Variants in MYO16 observed in about 807,000 individuals in gnomAD.
The protein encoded by MYO16 is unconventional myosin-XVI.
MYO16 carries 94 observed loss-of-function variants against 205.3 expected under a neutral mutation model. The ratio of observed to expected loss-of-function variants is 0.46; its 90% CI spans 0.39 to 0.54. MYO16 has a LOEUF of 0.54. Ranked by LOEUF, MYO16 falls within the 20% of genes least tolerant of loss-of-function variation. The probability of loss-of-function intolerance (pLI) is 0.00; values close to 1 mark genes in which losing one functional copy is unlikely to be tolerated. For synonymous variants in MYO16, 988 were observed against 954.0 expected, an observed-to-expected ratio of 1.04 and a Z score of -0.66; for missense variants, 2,315 against 2,387.5, an observed-to-expected ratio of 0.97 and a Z score of 0.63.
rs374663193 is a variant in MYO16 at position 109,177,796 on chromosome 13, G to T, written c.5324-1746G>T. Among the ~76,000 whole-genome samples the T allele has an allele frequency of 5.3e-5, 8 of 152,316 alleles. No individual in the cohort carries two copies. The East Asian group carries it at 1.4e-3, about 26-fold the overall frequency. Reference sequence around the variant, plus strand: ...CTCCCAAAGTACTGGGATTACAGGCGTGAGCCAGTGCACCCAGCCCCGACT... The same window carrying T: ...CTCCCAAAGTACTGGGATTACAGGCTTGAGCCAGTGCACCCAGCCCCGACT... On this transcript the variant is annotated intron_variant, in intron 33 of 34. Coordinates refer to ENST00000457511, the MANE Select transcript of MYO16 (RefSeq NM_001198950.3).
At chr13:108,618,259 T>A (rs1879418514) in intron 1 of MYO16, among the ~76,000 whole-genome samples, 1 of 152,124 alleles carries the variant, frequency 6.6e-6, no homozygotes, top group African/African-American at 2.4e-5. Context: ...AGGTCAGGGA[T>A]CCCTTTGAGT....
chr13:109,199,200 AT>A (rs1455919568), intron 34 of MYO16, among the ~76,000 whole-genome samples: 5 of 31,918 alleles, frequency 1.6e-4, no homozygotes, highest in Non-Finnish European at 3.2e-4. Context: ...AGGTATATAT[AT>A]ATATATATAT....
Position 108,853,107 on chromosome 13 carries a change from G to A in MYO16, c.1249-2336G>A, listed in dbSNP as rs536090155. 9.4e-4 allele frequency among the ~76,000 whole-genome samples: 143 copies of A among 152,336 alleles called. 3 individuals carry two copies. In the South Asian group the frequency reaches 0.025, roughly 27 times the overall value. On this transcript the variant is annotated intron_variant, in intron 10 of 34. Coordinates refer to ENST00000457511, the MANE Select transcript of MYO16 (RefSeq NM_001198950.3). ...CTGGATCAAGACCACCAGTTCCTTCGCCTAAGGGCTACGCCGAAGGCAGCA... is the reference window on the plus strand; with the variant it reads ...CTGGATCAAGACCACCAGTTCCTTCACCTAAGGGCTACGCCGAAGGCAGCA...
chr13:108,800,665 C>T (rs1886944086), intron 6 of MYO16, among the ~76,000 whole-genome samples: 2 of 152,164 alleles, frequency 1.3e-5, no homozygotes, highest in African/African-American at 4.8e-5. Context: ...ACAATCCTGA[C>T]TGAACCTAAG....
intron 20 of MYO16, among the ~76,000 whole-genome samples, chr13:108,966,573 G>T (rs559126171): frequency 6.6e-6 from 1 of 152,160 alleles, no homozygotes; most frequent in South Asian, 2.1e-4. Context: ...TCATAAGGAT[G>T]GTCTTATCTT....
Position 109,127,646 on chromosome 13 carries a change from A to G in MYO16, c.4051+96A>G, listed in dbSNP as rs144190886. 684 of 1,238,984 alleles carry G rather than the reference A, an allele frequency of 5.5e-4. 4 individuals carry two copies. In the African/African-American group the frequency reaches 9.5e-3, roughly 17 times the overall value. The allele number at this position is 1,238,984 out of a possible 1,614,324, so 76.7% of individuals were successfully genotyped here. ...CATGGCAGTACTGTCGCCCTAATGT[A>G]TTCTTAATAGAAATAAATCCAATTG... On this transcript the variant is annotated intron_variant, in intron 31 of 34. Transcript: ENST00000457511. This position sits in a 1 kb window ranked among gnomAD's most constrained non-coding sequence, Gnocchi z 4.2.
At position 109,141,024 on chromosome 13, in the gene MYO16, G is replaced by GC; in HGVS notation, c.4818dup (p.Ala1607ArgfsTer118). The GC allele has an allele frequency of 4.6e-6, 6 of 1,314,630 alleles. No homozygotes were observed. In the South Asian group the frequency reaches 1.3e-4, roughly 29 times the overall value. 81.4% of individuals were successfully genotyped at this position (1,314,630 alleles called of 1,614,324 possible). A position where few individuals can be genotyped will look rare whatever the true frequency, so the allele number is the denominator to read the frequency against. On this transcript the variant is annotated frameshift_variant, in exon 32 of 35. Transcript: ENST00000457511. LOFTEE classifies it high-confidence loss of function. The surrounding 1 kb of genome is among the most constrained non-coding windows in gnomAD (Gnocchi z 4.1). ...CCCCGCCCCCGCCCCCGCCCGGGCCGCCCCCCGCGCCCTACAGGCCCTGCG... is the reference window on the plus strand; with the variant it reads ...CCCCGCCCCCGCCCCCGCCCGGGCCGCCCCCCCGCGCCCTACAGGCCCTGCG...
intron 2 of MYO16, among the ~76,000 whole-genome samples, chr13:108,685,505 A>G (rs1882642229): frequency 6.6e-6 from 1 of 152,184 alleles, no homozygotes; most frequent in South Asian, 2.1e-4. Flanking sequence ...ACACCTACGC[A>G]TGTGATCACA....
rs545408464 is a variant in MYO16, at chr13:109,162,150, A to G, written c.5165-2751A>G. On this transcript the variant is annotated intron_variant, in intron 32 of 34. Transcript: ENST00000457511. The surrounding 1 kb of genome is among the most constrained non-coding windows in gnomAD (Gnocchi z 4.6). ...GTTTAACCTGCCAATTGAAAAATAGAAATACGTTTAAACTTTAATTGCAAA... is the reference window on the plus strand; with the variant it reads ...GTTTAACCTGCCAATTGAAAAATAGGAATACGTTTAAACTTTAATTGCAAA... Among the ~76,000 whole-genome samples, 76 of 152,216 alleles carry G rather than the reference A, an allele frequency of 5.0e-4. 1 individual carries two copies. Among genetic ancestry groups the G allele is most frequent in the Non-Finnish European group, 1.8e-4 (12 of 68,034 alleles).
chr13:109,125,332 G>A lies in MYO16; in HGVS notation c.3756G>A (p.Arg1252=). Residue 1252 remains arginine (R), a synonymous_variant, in exon 30 of 35, where the codon AGG becomes AGA. Coordinates refer to ENST00000457511, the MANE Select transcript of MYO16 (RefSeq NM_001198950.3). This position sits in a 1 kb window ranked among gnomAD's most constrained non-coding sequence, Gnocchi z 4.0. ...ACCATAAAGAGAAGTTAGAGGTCAG[G>A]AACATGCAAGAGGAAGGAAGCAAAA... The part of the protein sequence containing the change: ...APYHKEKLEV[R]NMQEEGSKRT... The A allele has an allele frequency of 8.7e-6, 14 of 1,614,104 alleles. No homozygotes were observed. The highest frequency in any genetic ancestry group is 1.2e-5 in the Non-Finnish European group (14 of 1,179,998).
At chr13:108,829,848 AC>A (rs1373439114) in intron 9 of MYO16, among the ~76,000 whole-genome samples, 1 of 152,162 alleles carries the variant, frequency 6.6e-6, no homozygotes, top group East Asian at 1.9e-4. Context: ...CTGAAAAATC[AC>A]AACCTACTCA....
chr13:108,685,085 C>T (rs946043786), intron 2 of MYO16, among the ~76,000 whole-genome samples: 36 of 149,502 alleles, frequency 2.4e-4, no homozygotes, highest in African/African-American at 7.4e-4. Flanking sequence ...TGCAGTGACA[C>T]GATCTCGGCT....
chr13:108,849,247 A>G (rs1877694067), intron 10 of MYO16, among the ~76,000 whole-genome samples: 2 of 152,004 alleles, frequency 1.3e-5, no homozygotes, highest in South Asian at 2.1e-4. Flanking sequence ...CTGGAGTACA[A>G]TGGTGCCATC....
intron 25 of MYO16, 36 bp downstream of exon 25, chr13:109,052,511 A>T (rs1379364985): frequency 6.8e-7 from 1 of 1,475,908 alleles, no homozygotes; most frequent in African/African-American, 1.4e-5. Flanking sequence ...GATTATTTTT[A>T]ATTTTGATAA....
intron 7 of MYO16, among the ~76,000 whole-genome samples, chr13:108,814,619 T>A (rs1470497803): frequency 6.6e-6 from 1 of 152,192 alleles, no homozygotes; most frequent in Non-Finnish European, 1.5e-5. Context: ...TATTTGGAAG[T>A]CAAAATAACT....
intron 14 of MYO16, among the ~76,000 whole-genome samples, chr13:108,895,639 C>G (rs1489026659): frequency 6.6e-6 from 1 of 152,204 alleles, no homozygotes; most frequent in African/African-American, 2.4e-5. Flanking sequence ...TGAAAGCCAA[C>G]TCACCTGGGT....
intron 4 of MYO16, among the ~76,000 whole-genome samples, chr13:108,737,217 G>A (rs947290122): frequency 6.6e-6 from 1 of 152,142 alleles, no homozygotes; most frequent in African/African-American, 2.4e-5. Flanking sequence ...TCTTGTGCCA[G>A]TTTTTAAAGG....
intron 5 of MYO16, among the ~76,000 whole-genome samples, chr13:108,792,722 GGCTGGTCTTCA>G (rs1322684931): frequency 1.3e-5 from 2 of 151,946 alleles, no homozygotes; most frequent in African/African-American, 4.8e-5. Flanking sequence ...ATGTTGGCCA[GGCTGGTCTTCA>G]GCTCTTGCCC....
At chr13:108,648,217 C>G in intron 1 of MYO16, among the ~76,000 whole-genome samples, 1 of 152,296 alleles carries the variant, frequency 6.6e-6, no homozygotes, top group South Asian at 2.1e-4. Context: ...CTTACATGAT[C>G]CAGTAATATG....
Sources: allele counts gnomAD v4.1 joint callset (sites outside exome capture counted in the v4.1 genomes callset), GRCh38; gene constraint gnomAD v4.1.1; non-coding constraint Gnocchi (gnomAD v3.1); transcripts MANE v1.5; gene names NCBI Gene and HGNC (gene_info 2026-07-23, HGNC 2026-07-21).